The following CREB5 variants were observed in gnomAD, a reference collection of about 807,000 sequenced individuals.
CREB5 encodes cAMP responsive element binding protein 5, also known as cyclic AMP-responsive element-binding protein 5.
CREB5 carries 19 observed loss-of-function variants against 57.1 expected under a neutral mutation model. That is an observed-to-expected ratio of 0.33 (90% CI 0.23 to 0.49). CREB5 has a LOEUF of 0.49. CREB5 is among the 20% of genes least tolerant of loss of function. The pLI is 0.99. For synonymous variants in CREB5, 238 were observed against 238.3 expected, an observed-to-expected ratio of 1.00 and a Z score of 0.01; for missense variants, 579 against 671.6, an observed-to-expected ratio of 0.86 and a Z score of 1.52.
At chr7:28,650,236 G>A (rs187875423) in intron 5 of CREB5, among the ~76,000 whole-genome samples, 144 of 152,252 alleles carry the variant, frequency 9.5e-4, no homozygotes, top group African/African-American at 3.2e-3. Context: ...TGCTGACTTG[G>A]GCATTTCACA....
chr7:28,800,246 T>G (rs143564295), intron 7 of CREB5, among the ~76,000 whole-genome samples: 103 of 152,260 alleles, frequency 6.8e-4, no homozygotes, highest in African/African-American at 2.4e-3. Flanking sequence ...AAGGCTGGAC[T>G]GAAGAAAGGG....
rs1236299024 is a variant in CREB5 at position 28,560,973 on chromosome 7, C to CGCGCGTGCGTGCGCGT, written c.292-9391_292-9390insCGCGTGCGTGCGCGTG. On this transcript the variant is annotated intron_variant, in intron 4 of 10. Transcript: ENST00000357727. ...GTGCGTGTGTGTGCGTGTGTGTGTG[C>CGCGCGTGCGTGCGCGT]GTGTGTGCGTGCGTGTGTGTGCCTG... is the stretch of plus-strand genomic sequence containing the variant. 3.2e-3 allele frequency among the ~76,000 whole-genome samples: 101 copies of CGCGCGTGCGTGCGCGT among 31,716 alleles called. 3 individuals carry two copies. The highest frequency in any genetic ancestry group is 0.01 in the African/African-American group (81 of 7,976). 20.8% of individuals were successfully genotyped at this position (31,716 alleles called of 152,430 possible).
At chr7:28,491,334 G>A (rs576485333) in intron 2 of CREB5, 17 of 778,534 alleles carry the variant, frequency 2.2e-5, no homozygotes, top group Non-Finnish European at 2.7e-5. Flanking sequence ...GAGGAGTGGG[G>A]GTGCCAATTC....
intron 4 of CREB5, among the ~76,000 whole-genome samples, chr7:28,570,090 T>C (rs1199884318): frequency 6.6e-6 from 1 of 152,232 alleles, no homozygotes; most frequent in Non-Finnish European, 1.5e-5. Context: ...AGGCACTAAA[T>C]ATCTCTGATG....
At chr7:28,591,818 A>G (rs1488672558) in intron 5 of CREB5, among the ~76,000 whole-genome samples, 1 of 152,112 alleles carries the variant, frequency 6.6e-6, no homozygotes, top group Non-Finnish European at 1.5e-5. Flanking sequence ...TACTGGTAAT[A>G]CTATTATATT....
chr7:28,319,456 A>G (rs12700865), intron 1 of CREB5, among the ~76,000 whole-genome samples: 19,396 of 152,174 alleles, frequency 0.13, 1,374 homozygotes, highest in African/African-American at 0.17. Context: ...GATTCCCAAG[A>G]TTCCTAGTGG....
In CREB5 at chr7:28,372,723, A is replaced by G. The variant is rs140185178; in HGVS notation, c.-25+73282A>G. Among the ~76,000 whole-genome samples the G allele has an allele frequency of 2.2e-4, 34 of 152,342 alleles. 1 individual carries two copies. In the East Asian group the frequency reaches 6.2e-3, roughly 28 times the overall value. ...TGTTAATTAAGTAGATATTTTGCAC[A>G]TGGCAAAGATAATTCTTTTCAGCTT... On this transcript the variant is annotated intron_variant, in intron 1 of 9. Coordinates refer to the CREB5 transcript ENST00000396299.
intron 5 of CREB5, among the ~76,000 whole-genome samples, chr7:28,638,558 G>C (rs532558556): frequency 1.3e-5 from 2 of 152,038 alleles, no homozygotes; most frequent in African/African-American, 4.8e-5. Context: ...TTTTGCCCAG[G>C]TTGATCTTGA....
chr7:28,751,665 G>C (rs769878584), intron 7 of CREB5, among the ~76,000 whole-genome samples: 5 of 152,116 alleles, frequency 3.3e-5, no homozygotes, highest in Non-Finnish European at 7.4e-5. Flanking sequence ...ACAGAGTTCC[G>C]ATACACACCA....
At chr7:28,534,312 G>A (rs1374958851) in intron 4 of CREB5, among the ~76,000 whole-genome samples, 1 of 152,178 alleles carries the variant, frequency 6.6e-6, no homozygotes, top group Non-Finnish European at 1.5e-5. Context: ...TGCCTTCTAG[G>A]AAGGGCAATA....
Position 28,494,823 on chromosome 7 carries a change from C to A in CREB5, c.76-83C>A, listed in dbSNP as rs893266857. ...GTCATGTTTGCAATGCTAAATAAGT[C>A]TTTTTCTCAATAATGGTAAATATGT... On this transcript the variant is annotated intron_variant, in intron 2 of 10. Coordinates refer to ENST00000357727, the MANE Select transcript of CREB5 (RefSeq NM_182898.4). 6 of 842,900 alleles carry A rather than the reference C, an allele frequency of 7.1e-6. No homozygotes were observed. The Admixed American group carries it at 1.5e-4, about 21-fold the overall frequency. The allele number at this position is 842,900 out of a possible 1,614,324, so 52.2% of individuals were successfully genotyped here. A position where few individuals can be genotyped will look rare whatever the true frequency, so the allele number is the denominator to read the frequency against.
At chr7:28,489,525 T>C (rs893882003) in intron 2 of CREB5, among the ~76,000 whole-genome samples, 4 of 151,966 alleles carry the variant, frequency 2.6e-5, no homozygotes, top group Admixed American at 1.3e-4. Context: ...ATGGTCTCGA[T>C]CTCCTGACCT....
chr7:28,501,553 TC>T (rs1792275258), intron 3 of CREB5, among the ~76,000 whole-genome samples: 1 of 152,184 alleles, frequency 6.6e-6, no homozygotes, highest in Non-Finnish European at 1.5e-5. Context: ...TGGAAACCAG[TC>T]CCCTTTGACT....
intron 1 of CREB5, among the ~76,000 whole-genome samples, chr7:28,428,252 G>A (rs1788583789): frequency 6.6e-6 from 1 of 152,172 alleles, no homozygotes; most frequent in African/African-American, 2.4e-5. Context: ...GCTGCTGGGT[G>A]GCTGATCATC....
intron 1 of CREB5, among the ~76,000 whole-genome samples, chr7:28,315,727 C>T (rs753541578): frequency 1.1e-4 from 16 of 152,276 alleles, no homozygotes; most frequent in East Asian, 1.9e-4. Context: ...GGACTTGCCT[C>T]GGTGGCAAAG....
chr7:28,414,306 A>G (rs1356966034), intron 1 of CREB5, among the ~76,000 whole-genome samples: 2 of 150,216 alleles, frequency 1.3e-5, no homozygotes, highest in Non-Finnish European at 3.0e-5. Context: ...TTTTAGAGGC[A>G]GCTTTCTTGG....
At chr7:28,500,410 G>C (rs2128602690) in intron 3 of CREB5, among the ~76,000 whole-genome samples, 1 of 152,330 alleles carries the variant, frequency 6.6e-6, no homozygotes, top group African/African-American at 2.4e-5. Context: ...ACGCTGAAGA[G>C]AGGCAGGAAA....
At chr7:28,537,931 A>G (rs2078980) in intron 4 of CREB5, among the ~76,000 whole-genome samples, 20,902 of 152,232 alleles carry the variant, frequency 0.14, 1,783 homozygotes, top group East Asian at 0.45. Context: ...AATTCTCTGT[A>G]ATCGAATGTG....
intron 1 of CREB5, among the ~76,000 whole-genome samples, chr7:28,351,520 C>T (rs559556439): frequency 1.3e-5 from 2 of 152,280 alleles, no homozygotes; most frequent in South Asian, 4.1e-4. Context: ...TTCCTTTCTT[C>T]CCATCTATTA....
Sources: allele counts gnomAD v4.1 joint callset (sites outside exome capture counted in the v4.1 genomes callset), GRCh38; gene constraint gnomAD v4.1.1; transcripts MANE v1.5; gene names NCBI Gene and HGNC (gene_info 2026-07-23, HGNC 2026-07-21).